The following ABTB2 variants were observed in gnomAD, a reference collection of about 807,000 sequenced individuals.
The protein encoded by ABTB2 is ankyrin repeat and BTB domain containing 2.
Under a neutral mutation model 104.1 loss-of-function variants are expected in ABTB2, and 56 were observed. The ratio of observed to expected loss-of-function variants is 0.54; its 90% confidence interval spans 0.43 to 0.67. The LOEUF (loss-of-function observed/expected upper bound fraction) is 0.67. ABTB2 is among the 30% of genes least tolerant of loss of function. ABTB2 has a pLI of 0.00. For missense variants in ABTB2, 1,279 were observed against 1,407.7 expected (o/e 0.91, Z 1.46); for synonymous variants, 606 against 608.2 (o/e 1.00, Z 0.05).
At chr11:34,286,165 G>T (rs2611087) in intron 1 of ABTB2, among the ~76,000 whole-genome samples, 106,289 of 151,318 alleles carry the variant, frequency 0.7, 37,454 homozygotes, top group South Asian at 0.84. Flanking sequence ...AATTAGTAAA[G>T]AAAAATTTTA....
intron 1 of ABTB2, among the ~76,000 whole-genome samples, chr11:34,266,923 G>C (rs1041629964): frequency 4.0e-5 from 6 of 150,546 alleles, no homozygotes; most frequent in African/African-American, 1.5e-4. Context: ...CAACAGTCCA[G>C]AGGCCACTCA....
intron 1 of ABTB2, among the ~76,000 whole-genome samples, chr11:34,210,402 T>C (rs1459593248): frequency 6.6e-6 from 1 of 152,198 alleles, no homozygotes; most frequent in Non-Finnish European, 1.5e-5. Flanking sequence ...TCCTATGGTT[T>C]AATTTCCTCC....
intron 4 of ABTB2, among the ~76,000 whole-genome samples, chr11:34,172,443 T>TAGAC (rs1565131709): frequency 1.0e-5 from 1 of 97,812 alleles, no homozygotes; most frequent in South Asian, 2.9e-4. Flanking sequence ...TGTATATAGA[T>TAGAC]AGATAGATAG....
chr11:34,229,325 C>CAA (rs1853735339), intron 1 of ABTB2, among the ~76,000 whole-genome samples: 2 of 150,530 alleles, frequency 1.3e-5, no homozygotes, highest in Admixed American at 6.6e-5. Flanking sequence ...ACCAAAAATA[C>CAA]AAAAAATTAG....
chr11:34,335,182 C>T (rs1462112491), intron 1 of ABTB2: 1 of 1,270,764 alleles, frequency 7.9e-7, no homozygotes, highest in East Asian at 2.3e-5. Context: ...CTTCCTACAA[C>T]TACACGGGTA....
chr11:34,305,649 G>C (rs1377120560), intron 1 of ABTB2, among the ~76,000 whole-genome samples: 1 of 152,210 alleles, frequency 6.6e-6, no homozygotes, highest in Non-Finnish European at 1.5e-5. Context: ...CCTTCAGAGA[G>C]ACAGGAGAGG....
chr11:34,176,727 A>G (rs1362686447), intron 3 of ABTB2, among the ~76,000 whole-genome samples: 2 of 152,242 alleles, frequency 1.3e-5, no homozygotes, highest in African/African-American at 2.4e-5. Context: ...AACTTACTAT[A>G]GTGTACCCAG....
chr11:34,186,133 G>A (rs1853095447), intron 3 of ABTB2, among the ~76,000 whole-genome samples: 1 of 152,250 alleles, frequency 6.6e-6, no homozygotes, highest in Admixed American at 6.5e-5. Context: ...TCCAGCTTTT[G>A]CTCTCTCAGC....
chr11:34,153,416 A>G (rs1247081670), intron 16 of ABTB2, among the ~76,000 whole-genome samples: 2 of 152,126 alleles, frequency 1.3e-5, no homozygotes, highest in Non-Finnish European at 2.9e-5. Context: ...GCTCTTGCCC[A>G]AGCTGGAGTG....
intron 1 of ABTB2, chr11:34,335,732 T>C: frequency 7.1e-7 from 1 of 1,403,314 alleles, no homozygotes; most frequent in South Asian, 1.2e-5. Context: ...AGCAGGCTTT[T>C]CTTCTGTGAA....
intron 1 of ABTB2, among the ~76,000 whole-genome samples, chr11:34,260,479 A>G (rs753516355): frequency 9.9e-5 from 15 of 152,220 alleles, no homozygotes; most frequent in Admixed American, 4.6e-4. Flanking sequence ...ACATGTCAGC[A>G]CACACTGCAG....
intron 1 of ABTB2, among the ~76,000 whole-genome samples, chr11:34,347,745 A>G: frequency 6.6e-6 from 1 of 151,174 alleles, no homozygotes; most frequent in East Asian, 1.9e-4. Flanking sequence ...TATGCTTGAA[A>G]TCTTTATTAT....
intron 5 of ABTB2, among the ~76,000 whole-genome samples, chr11:34,170,307 C>T (rs1324999864): frequency 1.3e-5 from 2 of 152,128 alleles, no homozygotes; most frequent in African/African-American, 2.4e-5. Context: ...AACAATGCAT[C>T]GAACATAGTA....
intron 14 of ABTB2, among the ~76,000 whole-genome samples, chr11:34,156,349 G>A (rs1205825419): frequency 1.3e-5 from 2 of 152,156 alleles, no homozygotes; most frequent in Non-Finnish European, 2.9e-5. Context: ...TGTGCCTCCT[G>A]GAGCCAGGCA....
intron 12 of ABTB2, 65 bp downstream of exon 12, chr11:34,160,183 G>A: frequency 7.0e-7 from 1 of 1,436,896 alleles, no homozygotes; most frequent in Non-Finnish European, 9.8e-7. Flanking sequence ...AAAGTGGGGA[G>A]GAAGCAGGAA....
At chr11:34,163,404 A>T (rs994336481) in intron 9 of ABTB2, among the ~76,000 whole-genome samples, 6 of 152,204 alleles carry the variant, frequency 3.9e-5, no homozygotes, top group African/African-American at 7.2e-5. Context: ...CCCACAGAGG[A>T]CGCTCCCCCG....
In ABTB2 at chr11:34,320,957, T is replaced by C. The variant is rs867209122; in HGVS notation, c.883+35744A>G. On this transcript the variant is annotated intron_variant, in intron 1 of 16. Transcript: ENST00000435224. ...CAGCACTTTGGGAGGCTGAGGTGGG[T>C]GGATCACCTGAGGTCGGGAGTTCAA... Among the ~76,000 whole-genome samples, 44 of 152,084 alleles carry C rather than the reference T, an allele frequency of 2.9e-4. No individual in the cohort carries two copies. The Middle Eastern group carries it at 0.014, about 47-fold the overall frequency.
intron 1 of ABTB2, among the ~76,000 whole-genome samples, chr11:34,272,362 C>T (rs1464307651): frequency 6.6e-6 from 1 of 150,464 alleles, no homozygotes; most frequent in Non-Finnish European, 1.5e-5. Context: ...TCACTTTCCC[C>T]AGATGGTTAA....
Position 34,159,930 on chromosome 11 carries a change from A to G in ABTB2, c.2582T>C (p.Val861Ala). 6.2e-7 allele frequency: 1 copy of G among 1,613,956 alleles called. No individual in the cohort carries two copies. Among genetic ancestry groups the G allele is most frequent in the Non-Finnish European group, 8.5e-7 (1 of 1,179,888 alleles). The change falls in exon 13 of 17, where the codon GTC becomes GCC. Residue 861 changes from valine (V) to alanine (A), a missense_variant. Coordinates refer to ENST00000435224, the MANE Select transcript of ABTB2 (RefSeq NM_145804.3). ...VEGKLFYAHK[V>A]LLVTASNRFK... Reference sequence around the variant, plus strand: ...CCTGTTAGAAGCTGTCACCAGCAGGACTTTATGTGCATAAAACAGCTTTCC... The same window carrying G: ...CCTGTTAGAAGCTGTCACCAGCAGGGCTTTATGTGCATAAAACAGCTTTCC...
Sources: gnomAD v4.1 joint callset for allele counts (sites outside exome capture counted in the v4.1 genomes callset) on GRCh38, gnomAD v4.1.1 for gene constraint, MANE v1.5 for transcripts, NCBI Gene and HGNC (gene_info 2026-07-23, HGNC 2026-07-21) for gene names.